Variants in CCDC91 observed in about 807,000 individuals in gnomAD.
CCDC91 encodes coiled-coil domain-containing protein 91.
A neutral mutation model predicts 63.2 loss-of-function variants in CCDC91; 48 were observed. The observed-to-expected ratio is 0.76, with a 90% CI of 0.60 to 0.97. The LOEUF (loss-of-function observed/expected upper bound fraction) is 0.97. Among genes scored for constraint, CCDC91 ranks in the 50% least tolerant of loss-of-function variants. The probability of loss-of-function intolerance (pLI) is 0.00; values close to 1 mark genes in which losing one functional copy is unlikely to be tolerated. For missense variants in CCDC91, 500 were observed against 494.6 expected (o/e 1.01, Z -0.10); for synonymous variants, 167 against 165.8 (o/e 1.01, Z -0.06).
At chr12:28,506,330 C>T (rs938075472) in intron 12 of CCDC91, among the ~76,000 whole-genome samples, 1 of 151,886 alleles carries the variant, frequency 6.6e-6, no homozygotes, top group Non-Finnish European at 1.5e-5. Context: ...GCCAGGGCAC[C>T]ATTACTAGGA....
At chr12:28,453,556 G>C (rs1949916509) in intron 11 of CCDC91, among the ~76,000 whole-genome samples, 1 of 151,738 alleles carries the variant, frequency 6.6e-6, no homozygotes, top group African/African-American at 2.4e-5. Context: ...TTATTCTCAG[G>C]AACACACAGT....
chr12:28,499,140 C>T (rs1952477592), intron 12 of CCDC91, among the ~76,000 whole-genome samples: 1 of 151,498 alleles, frequency 6.6e-6, no homozygotes, highest in African/African-American at 2.4e-5. Context: ...CAAGTCTTCT[C>T]TTAAGAAAAA....
intron 7 of CCDC91, among the ~76,000 whole-genome samples, chr12:28,369,179 A>C (rs1259797377): frequency 6.6e-6 from 1 of 152,152 alleles, no homozygotes; most frequent in African/African-American, 2.4e-5. Flanking sequence ...AAGGCATATC[A>C]CTTTTGCCTA....
intron 1 of CCDC91, among the ~76,000 whole-genome samples, chr12:28,219,374 A>G (rs1943777454): frequency 1.3e-5 from 2 of 151,752 alleles, no homozygotes; most frequent in Admixed American, 6.6e-5. Context: ...TTTTAGTCCA[A>G]TCTGTGGCTT....
chr12:28,455,672 A>G (rs1357777449), intron 11 of CCDC91, among the ~76,000 whole-genome samples: 1 of 151,822 alleles, frequency 6.6e-6, no homozygotes, highest in Non-Finnish European at 1.5e-5. Flanking sequence ...AGGTATTTTT[A>G]TGTTTTTTTT....
chr12:28,196,729 G>C lies in CCDC91; in HGVS notation c.-15+6088G>C, dbSNP rs570240936. ...ATTACAGTAGAAAGTTGGAAATAAA[G>C]GAAGACTATAAAAAAAGTTACCCTA... is the stretch of plus-strand genomic sequence containing the variant. On this transcript the variant is annotated intron_variant, in intron 1 of 12. Coordinates refer to ENST00000536442, the MANE Select transcript of CCDC91 (RefSeq NM_018318.5). Among the ~76,000 whole-genome samples, 8 of 152,218 alleles carry C rather than the reference G, an allele frequency of 5.3e-5. 1 individual carries two copies. The highest frequency in any genetic ancestry group is 1.9e-4 in the African/African-American group (8 of 41,532).
intron 6 of CCDC91, among the ~76,000 whole-genome samples, chr12:28,341,428 C>A (rs567365241): frequency 6.6e-6 from 1 of 152,280 alleles, no homozygotes; most frequent in Non-Finnish European, 1.5e-5. Flanking sequence ...ACTCTTCTGG[C>A]TCCCTGTTCC....
chr12:28,481,548 G>A (rs1951447219), intron 11 of CCDC91, among the ~76,000 whole-genome samples: 1 of 151,822 alleles, frequency 6.6e-6, no homozygotes, highest in Admixed American at 6.6e-5. Context: ...TTAATTTATG[G>A]AACCAACAAA....
At chr12:28,414,165 G>C (rs1947495799) in intron 8 of CCDC91, among the ~76,000 whole-genome samples, 1 of 152,048 alleles carries the variant, frequency 6.6e-6, no homozygotes, top group African/African-American at 2.4e-5. Flanking sequence ...GTTTGTCTTT[G>C]TCTTTCTAAA....
At chr12:28,464,483 G>A (rs1950457117) in intron 11 of CCDC91, among the ~76,000 whole-genome samples, 1 of 152,162 alleles carries the variant, frequency 6.6e-6, no homozygotes, top group Non-Finnish European at 1.5e-5. Flanking sequence ...ACTTTGTCTT[G>A]CATCTTGGAT....
intron 12 of CCDC91, among the ~76,000 whole-genome samples, chr12:28,498,799 A>G (rs934393699): frequency 1.3e-5 from 2 of 151,730 alleles, no homozygotes; most frequent in African/African-American, 2.4e-5. Context: ...AATATATGCT[A>G]GGTAGCACTC....
chr12:28,310,394 G>A (rs2061759), intron 6 of CCDC91, among the ~76,000 whole-genome samples: 39,679 of 151,860 alleles, frequency 0.26, 5,673 homozygotes, highest in East Asian at 0.57. Context: ...GTCTCACTGC[G>A]TTTACTATTA....
intron 12 of CCDC91, among the ~76,000 whole-genome samples, chr12:28,533,903 G>T (rs1184499468): frequency 9.2e-5 from 14 of 151,432 alleles, no homozygotes. Context: ...TGGATATTTT[G>T]ATTCTAATCA....
At chr12:28,523,222 G>A (rs1940908499) in intron 12 of CCDC91, among the ~76,000 whole-genome samples, 1 of 152,064 alleles carries the variant, frequency 6.6e-6, no homozygotes, top group African/African-American at 2.4e-5. Flanking sequence ...TCTCTTTGTA[G>A]GTCTCTAAGG....
chr12:28,202,619 C>T (rs1942547792), intron 1 of CCDC91, among the ~76,000 whole-genome samples: 1 of 152,214 alleles, frequency 6.6e-6, no homozygotes, highest in South Asian at 2.1e-4. Context: ...CATGATGGGG[C>T]ATGCCTTCAA....
rs1160500853 is a variant in CCDC91, at chr12:28,432,190, G to A, written c.763-17971G>A. ...TTTCTGCAGATGAGTTCTTTTTAGC[G>A]CTGAATAATAGTTCATTCTTTGGAT... On this transcript the variant is annotated intron_variant, in intron 8 of 12. Transcript: ENST00000536442. Among the ~76,000 whole-genome samples the A allele has an allele frequency of 6.6e-5, 10 of 151,888 alleles. No individual in the cohort carries two copies. The East Asian group carries it at 1.2e-3, about 18-fold the overall frequency.
chr12:28,280,769 A>G (rs1184250484), intron 3 of CCDC91, among the ~76,000 whole-genome samples: 1 of 151,426 alleles, frequency 6.6e-6, no homozygotes, highest in Non-Finnish European at 1.5e-5. Context: ...ACTTGGGGCC[A>G]GGAGCTCAAG....
intron 11 of CCDC91, among the ~76,000 whole-genome samples, chr12:28,453,346 AAC>A (rs1224502760): frequency 6.6e-6 from 1 of 152,006 alleles, no homozygotes; most frequent in East Asian, 1.9e-4. Context: ...GCAAAAGAAT[AAC>A]ATTCATAGAA....
intron 11 of CCDC91, among the ~76,000 whole-genome samples, chr12:28,464,783 G>A (rs1479823785): frequency 6.6e-6 from 1 of 152,108 alleles, no homozygotes; most frequent in East Asian, 1.9e-4. Context: ...GGTGGCTAAA[G>A]GATGAGACTC....
Sources: allele counts gnomAD v4.1 joint callset (sites outside exome capture counted in the v4.1 genomes callset), GRCh38; gene constraint gnomAD v4.1.1; transcripts MANE v1.5; gene names NCBI Gene and HGNC (gene_info 2026-07-23, HGNC 2026-07-21).